Variants in MTPAP observed in about 807,000 individuals in gnomAD.
MTPAP encodes the protein poly(A) RNA polymerase, mitochondrial.
Under a neutral mutation model 48.7 loss-of-function variants are expected in MTPAP, and 23 were observed. The ratio of observed to expected loss-of-function variants is 0.47; its 90% CI spans 0.34 to 0.67. The LOEUF is 0.67. Ranked by LOEUF, MTPAP falls within the 30% of genes least tolerant of loss-of-function variation. The probability of loss-of-function intolerance (pLI) is 0.01; values close to 1 mark genes in which losing one functional copy is unlikely to be tolerated. For missense variants in MTPAP, 614 were observed against 694.3 expected, an observed-to-expected ratio of 0.88 and a Z score of 1.30; for synonymous variants, 257 against 254.1, an observed-to-expected ratio of 1.01 and a Z score of -0.11.
At chr10:30,316,244 T>C (rs1409216170) in intron 6 of MTPAP, 34 bp from the exon 7 acceptor site, 2 of 1,543,194 alleles carry the variant, frequency 1.3e-6, no homozygotes. Context: ...TCACGTGTTT[T>C]TTTTTTTTCT....
In MTPAP at chr10:30,341,609, G is replaced by C; in HGVS notation, c.189C>G (p.Phe63Leu). ...GFEDKIPKRR[F>L]SEMQNERREQ... ...CTCGTCTTTCATTTTGCATCTCAGA[G>C]AATCTCCTTTTGGGAATCTTGTCTT... The change falls in exon 2 of 9, where the codon TTC (phenylalanine) becomes TTG (leucine). Residue 63 changes from phenylalanine (F) to leucine (L), a missense_variant. This residue lies in a region of MTPAP where 125 missense variants were observed against 111.5 expected (regional missense o/e 1.12). Transcript: ENST00000263063. 1 of 1,614,032 alleles carries C rather than the reference G, an allele frequency of 6.2e-7. No homozygotes were observed.
chr10:30,347,299 C>T (rs191616415), intron 1 of MTPAP, among the ~76,000 whole-genome samples: 32 of 152,292 alleles, frequency 2.1e-4, no homozygotes, highest in African/African-American at 7.7e-4. Flanking sequence ...CTGATTTATG[C>T]AACAATGTTC....
rs778022716 is a variant in MTPAP, at chr10:30,322,554, G to A, written c.1056C>T (p.Ala352=). 1.2e-6 allele frequency: 2 copies of A among 1,614,044 alleles called. No individual in the cohort carries two copies. The highest frequency in any genetic ancestry group is 2.2e-5 in the East Asian group (1 of 44,872). ...CCCAGCACCGTACACTGAACACCAA[G>A]GCTCTCACTCTTGAGTCTAGGGCAC... ...IYGALDSRVR[A]LVFSVRCWAR... The change falls in exon 6 of 9, where the codon GCC becomes GCT. Residue 352 remains alanine (A), a synonymous_variant. Coordinates refer to ENST00000263063, the MANE Select transcript of MTPAP (RefSeq NM_018109.4).
At chr10:30,318,400 G>C (rs903919645) in intron 6 of MTPAP, among the ~76,000 whole-genome samples, 3 of 152,148 alleles carry the variant, frequency 2.0e-5, no homozygotes, top group African/African-American at 7.2e-5. Context: ...TTTCTACTTA[G>C]ATCTATTTTT....
At chr10:30,324,792 C>T (rs2489853) in intron 5 of MTPAP, among the ~76,000 whole-genome samples, 33,654 of 151,856 alleles carry the variant, frequency 0.22, 4,052 homozygotes, top group East Asian at 0.28. Context: ...ACCTGAGGTC[C>T]GGAGTTCAAG....
chr10:30,314,875 A>G (rs1317454723), intron 8 of MTPAP, among the ~76,000 whole-genome samples: 3 of 108,908 alleles, frequency 2.8e-5, no homozygotes, highest in Non-Finnish European at 3.4e-5. Context: ...CTGTCTCAAA[A>G]AACAAAAACA....
At chr10:30,346,476 C>G (rs1288197335) in intron 1 of MTPAP, among the ~76,000 whole-genome samples, 1 of 152,182 alleles carries the variant, frequency 6.6e-6, no homozygotes, top group South Asian at 2.1e-4. Context: ...GAGCTGAGCA[C>G]TGGCTTTAAA....
chr10:30,315,699 C>T (rs886442266), intron 8 of MTPAP, among the ~76,000 whole-genome samples: 4 of 152,102 alleles, frequency 2.6e-5, no homozygotes, highest in African/African-American at 9.7e-5. Context: ...ATGAGGGATA[C>T]AGTATTACAC....
intron 4 of MTPAP, among the ~76,000 whole-genome samples, chr10:30,333,669 C>G (rs1248396037): frequency 6.6e-6 from 1 of 152,132 alleles, no homozygotes; most frequent in Non-Finnish European, 1.5e-5. Context: ...AATCGTAGCA[C>G]TTGGGGAGGC....
At chr10:30,344,457 T>G (rs1834847254) in intron 1 of MTPAP, among the ~76,000 whole-genome samples, 1 of 152,196 alleles carries the variant, frequency 6.6e-6, no homozygotes, top group African/African-American at 2.4e-5. Context: ...TTATATTTAT[T>G]TAACAATATG....
chr10:30,338,177 T>C (rs1834751121), intron 3 of MTPAP, among the ~76,000 whole-genome samples: 1 of 152,120 alleles, frequency 6.6e-6, no homozygotes, highest in Non-Finnish European at 1.5e-5. Flanking sequence ...GGTGGGTCAC[T>C]TGAGTCCAGG....
intron 4 of MTPAP, among the ~76,000 whole-genome samples, chr10:30,329,969 T>TA (rs768265605): frequency 5.9e-4 from 83 of 141,118 alleles, no homozygotes; most frequent in Admixed American, 4.8e-4. Context: ...GTTTTTTCTT[T>TA]TAAAAAAAAA....
Position 30,328,473 on chromosome 10 carries a change from T to A in MTPAP, c.781-1838A>T, listed in dbSNP as rs112562142. Among the ~76,000 whole-genome samples, 1,415 of 152,336 alleles carry A rather than the reference T, an allele frequency of 9.3e-3. 26 individuals are homozygous for A. Among genetic ancestry groups the A allele is most frequent in the African/African-American group, 0.032 (1,320 of 41,570 alleles). ...AGGAATATTTGCATAAATGAGCCAA[T>A]TTATAAAGATGTTCACTCACTGCAG... is the stretch of plus-strand genomic sequence containing the variant. On this transcript the variant is annotated intron_variant, in intron 4 of 8. Coordinates refer to ENST00000263063, the MANE Select transcript of MTPAP (RefSeq NM_018109.4).
intron 1 of MTPAP, among the ~76,000 whole-genome samples, chr10:30,347,314 T>C (rs1834884877): frequency 6.6e-6 from 1 of 152,246 alleles, no homozygotes; most frequent in Non-Finnish European, 1.5e-5. Flanking sequence ...ATGTTCCTTA[T>C]TGCTATAAAC....
chr10:30,316,532 C>T (rs1048610629), intron 6 of MTPAP, among the ~76,000 whole-genome samples: 1 of 150,982 alleles, frequency 6.6e-6, no homozygotes, highest in African/African-American at 2.4e-5. Flanking sequence ...CGTGAGCCAC[C>T]GCACCCAGCC....
In MTPAP at chr10:30,313,703, TC is replaced by T; in HGVS notation, c.1654del (p.Glu552LysfsTer7). The T allele has an allele frequency of 6.2e-7, 1 of 1,614,220 alleles. No homozygotes were observed. Among genetic ancestry groups the T allele is most frequent in the Non-Finnish European group, 8.5e-7 (1 of 1,180,022 alleles). Reference protein sequence around the residue: ...TKKKSNKFAIETVKNLLESLK... With the variant: ...TKKKSNKFAIXTVKNLLESLK... ...AGATTCTAGCAAGTTTTTGACTGTT[TC>T]AATTGCAAACTTATTGCTTTTCTTC... On this transcript the variant is annotated frameshift_variant, in exon 9 of 9. Coordinates refer to ENST00000263063, the MANE Select transcript of MTPAP (RefSeq NM_018109.4). LOFTEE classifies it low-confidence loss of function (END_TRUNC).
rs1416089104 is a variant in MTPAP at position 30,315,998 on chromosome 10, A to C, written c.1351T>G (p.Phe451Val). ...LKEFFEYFGNFAFDKNSINIR... is the reference protein window; with the variant it reads ...LKEFFEYFGNVAFDKNSINIR... The stretch of plus-strand genomic sequence containing the variant: ...TTTATGGAATTTTTATCGAAAGCAA[A>C]ATTGCCAAAATACTCAAAAAATTCC... Residue 451 changes from phenylalanine (F) to valine (V), a missense_variant, in exon 8 of 9, where the codon TTT becomes GTT. Physicochemically the swap from Phe to Val is conservative, Grantham distance 50. Transcript: ENST00000263063. 6.2e-7 allele frequency: 1 copy of C among 1,608,278 alleles called. No homozygotes were observed. The highest frequency in any genetic ancestry group is 8.5e-7 in the Non-Finnish European group (1 of 1,176,020).
chr10:30,319,940 G>A lies in MTPAP; in HGVS notation c.1219+2451C>T, dbSNP rs146991270. On this transcript the variant is annotated intron_variant, in intron 6 of 8. Coordinates refer to ENST00000263063, the MANE Select transcript of MTPAP (RefSeq NM_018109.4). Reference sequence around the variant, plus strand: ...AGTTTTGCCTGTTTTGATGCTATACGATGTGAACATATTTAAATGTATTTT... The same window carrying A: ...AGTTTTGCCTGTTTTGATGCTATACAATGTGAACATATTTAAATGTATTTT... 2.4e-4 allele frequency among the ~76,000 whole-genome samples: 37 copies of A among 152,270 alleles called. No individual in the cohort carries two copies. In the East Asian group the frequency reaches 6.9e-3, roughly 29 times the overall value.
chr10:30,321,679 T>C (rs1426646705), intron 6 of MTPAP, among the ~76,000 whole-genome samples: 2 of 152,234 alleles, frequency 1.3e-5, no homozygotes, highest in Non-Finnish European at 2.9e-5. Context: ...TAAGGTCATT[T>C]TAAACAGGAA....
Sources: allele counts gnomAD v4.1 joint callset (sites outside exome capture counted in the v4.1 genomes callset), GRCh38; gene constraint gnomAD v4.1.1; regional missense constraint gnomAD v4.1.1; transcripts MANE v1.5; gene names NCBI Gene and HGNC (gene_info 2026-07-23, HGNC 2026-07-21).